Variants in ASIC2 observed in about 807,000 individuals in gnomAD.
The protein encoded by ASIC2 is acid sensing ion channel subunit 2, also known as acid-sensing ion channel 2.
ASIC2 carries 25 observed loss-of-function variants against 57.3 expected under a neutral mutation model. The ratio of observed to expected loss-of-function variants is 0.44; its 90% CI spans 0.32 to 0.61. The LOEUF is 0.61. ASIC2 is among the 20% of genes least tolerant of loss of function. The pLI is 0.06. For missense variants in ASIC2, 641 were observed against 738.1 expected (o/e 0.87, Z 1.52); for synonymous variants, 319 against 307.5 (o/e 1.04, Z -0.39).
At chr17:33,458,132 G>A (rs944771967) in intron 1 of ASIC2, among the ~76,000 whole-genome samples, 2 of 152,130 alleles carry the variant, frequency 1.3e-5, no homozygotes, top group Non-Finnish European at 1.5e-5. Context: ...TGGAGTGGAA[G>A]GGGTTCCAGA....
intron 1 of ASIC2, among the ~76,000 whole-genome samples, chr17:33,699,071 T>G (rs760863837): frequency 6.6e-5 from 10 of 152,162 alleles, no homozygotes; most frequent in Admixed American, 2.6e-4. Context: ...AACTCATAAA[T>G]GTATTCCTGG....
intron 1 of ASIC2, among the ~76,000 whole-genome samples, chr17:33,258,829 C>A (rs1909176526): frequency 6.6e-6 from 1 of 152,186 alleles, no homozygotes; most frequent in African/African-American, 2.4e-5. Flanking sequence ...AACCCAAGAC[C>A]ATCTGGCTTC....
At chr17:34,057,738 A>C (rs1908822593) in intron 1 of ASIC2, among the ~76,000 whole-genome samples, 1 of 152,288 alleles carries the variant, frequency 6.6e-6, no homozygotes, top group South Asian at 2.1e-4. Flanking sequence ...AATAGAAACT[A>C]AACAGAGAAG....
At chr17:33,374,386 AC>A (rs1246081021) in intron 1 of ASIC2, among the ~76,000 whole-genome samples, 5 of 152,040 alleles carry the variant, frequency 3.3e-5, no homozygotes, top group African/African-American at 4.8e-5. Flanking sequence ...GTCCCGTGGC[AC>A]CCCCAAGAGG....
chr17:33,646,246 T>C (rs1906734985), intron 1 of ASIC2, among the ~76,000 whole-genome samples: 1 of 152,104 alleles, frequency 6.6e-6, no homozygotes, highest in Admixed American at 6.5e-5. Flanking sequence ...AAGCCTGATA[T>C]AGATTAGGAA....
chr17:33,841,536 C>A (rs1461014286), intron 1 of ASIC2, among the ~76,000 whole-genome samples: 1 of 152,172 alleles, frequency 6.6e-6, no homozygotes, highest in African/African-American at 2.4e-5. Flanking sequence ...CTGTTTGATG[C>A]TAAAATGACC....
chr17:33,390,316 T>C (rs1909844890), intron 1 of ASIC2, among the ~76,000 whole-genome samples: 1 of 151,684 alleles, frequency 6.6e-6, no homozygotes, highest in Non-Finnish European at 1.5e-5. Context: ...CGGTCCCCCT[T>C]CCTCAAAAAA....
chr17:33,997,853 G>A (rs1906211255), intron 1 of ASIC2, among the ~76,000 whole-genome samples: 2 of 151,878 alleles, frequency 1.3e-5, no homozygotes, highest in East Asian at 3.9e-4. Flanking sequence ...TAGTGTTCTT[G>A]TTTGGCTTTG....
chr17:33,871,045 C>T (rs779994768), intron 1 of ASIC2, among the ~76,000 whole-genome samples: 5 of 152,140 alleles, frequency 3.3e-5, no homozygotes, highest in Admixed American at 6.6e-5. Context: ...GTGGGTTTTC[C>T]TTTTGTGCAA....
At chr17:34,119,389 G>A (rs1423868855) in intron 1 of ASIC2, among the ~76,000 whole-genome samples, 1 of 152,148 alleles carries the variant, frequency 6.6e-6, no homozygotes, top group Admixed American at 6.5e-5. Context: ...TGCTTTGTTA[G>A]CCTAATTTTT....
chr17:33,313,643 C>A (rs896529905), intron 1 of ASIC2, among the ~76,000 whole-genome samples: 1 of 152,162 alleles, frequency 6.6e-6, no homozygotes, highest in African/African-American at 2.4e-5. Flanking sequence ...ATTTGAATAA[C>A]TGAACGATGG....
At chr17:33,972,378 TA>T (rs1457622794) in intron 1 of ASIC2, among the ~76,000 whole-genome samples, 1 of 152,144 alleles carries the variant, frequency 6.6e-6, no homozygotes, top group African/African-American at 2.4e-5. Context: ...CTCTAAACTC[TA>T]AAAGAGTAGT....
At chr17:33,277,202 C>T (rs115838056) in intron 1 of ASIC2, among the ~76,000 whole-genome samples, 193 of 152,330 alleles carry the variant, frequency 1.3e-3, no homozygotes, top group African/African-American at 4.4e-3. Context: ...TTCCCTGTGA[C>T]CAGGTTTCAC....
chr17:33,557,007 G>A (rs958871507), intron 1 of ASIC2, among the ~76,000 whole-genome samples: 5 of 152,158 alleles, frequency 3.3e-5, no homozygotes, highest in Admixed American at 2.6e-4. Flanking sequence ...AGCCCTTCTT[G>A]GACAGCTGCT....
intron 1 of ASIC2, among the ~76,000 whole-genome samples, chr17:33,705,597 A>G (rs941051196): frequency 2.6e-5 from 4 of 152,310 alleles, no homozygotes; most frequent in African/African-American, 4.8e-5. Context: ...AAATTTGAAG[A>G]TGCTGGCCTT....
intron 1 of ASIC2, among the ~76,000 whole-genome samples, chr17:33,709,386 T>C (rs1389972661): frequency 1.3e-5 from 2 of 152,246 alleles, no homozygotes; most frequent in African/African-American, 2.4e-5. Context: ...GATGGAGAGA[T>C]AATCTCGGAT....
chr17:33,699,152 C>T (rs1310881329), intron 1 of ASIC2, among the ~76,000 whole-genome samples: 3 of 152,142 alleles, frequency 2.0e-5, no homozygotes, highest in African/African-American at 7.2e-5. Context: ...AAGCTCTGAG[C>T]CTGTAACACT....
chr17:34,042,482 T>C (rs1009071211), intron 1 of ASIC2, among the ~76,000 whole-genome samples: 2 of 151,954 alleles, frequency 1.3e-5, no homozygotes, highest in Non-Finnish European at 2.9e-5. Context: ...TCCATCCACA[T>C]AATATTCTAG....
chr17:33,788,837 T>C (rs1911682208), intron 1 of ASIC2, among the ~76,000 whole-genome samples: 1 of 151,790 alleles, frequency 6.6e-6, no homozygotes, highest in Non-Finnish European at 1.5e-5. Context: ...CACTCATAAG[T>C]GGGAAGTGAA....
Sources: gnomAD v4.1 joint callset for allele counts (sites outside exome capture counted in the v4.1 genomes callset) on GRCh38, gnomAD v4.1.1 for gene constraint, MANE v1.5 for transcripts, NCBI Gene and HGNC (gene_info 2026-07-23, HGNC 2026-07-21) for gene names.